The following FAM135A variants were observed in gnomAD, a reference collection of about 807,000 sequenced individuals.
The protein encoded by FAM135A is family with sequence similarity 135 member A.
Under a neutral mutation model 146.8 loss-of-function variants are expected in FAM135A, and 79 were observed. That is an observed-to-expected ratio of 0.54 (90% CI 0.45 to 0.65). The LOEUF is 0.65. Ranked by LOEUF, FAM135A falls within the 30% of genes least tolerant of loss-of-function variation. FAM135A has a pLI of 0.00. For synonymous variants in FAM135A, 562 were observed against 603.6 expected (o/e 0.93, Z 1.01); for missense variants, 1,623 against 1,758.2 (o/e 0.92, Z 1.38).
intron 5 of FAM135A, among the ~76,000 whole-genome samples, chr6:70,472,861 GTTC>G (rs1415927506): frequency 2.0e-5 from 3 of 152,140 alleles, no homozygotes; most frequent in Non-Finnish European, 2.9e-5. Flanking sequence ...AGTGATGCTT[GTTC>G]TTCTTGTTAC....
intron 20 of FAM135A, among the ~76,000 whole-genome samples, chr6:70,540,982 C>T (rs192826194): frequency 3.5e-4 from 54 of 152,262 alleles, no homozygotes; most frequent in African/African-American, 1.1e-3. Flanking sequence ...CTTTTGCTTT[C>T]TACTTTATCT....
chr6:70,477,374 T>C, intron 8 of FAM135A, 42 bp downstream of exon 8: 1 of 1,584,518 alleles, frequency 6.3e-7, no homozygotes, highest in Admixed American at 1.7e-5. Context: ...ATTCTTACAC[T>C]GCAATAAAGA....
intron 21 of FAM135A, among the ~76,000 whole-genome samples, chr6:70,557,956 G>A (rs191637542): frequency 9.9e-5 from 15 of 152,192 alleles, no homozygotes; most frequent in Admixed American, 3.3e-4. Context: ...TTCTAGCAAA[G>A]GCTAGAGTCC....
intron 5 of FAM135A, among the ~76,000 whole-genome samples, chr6:70,473,485 G>A (rs1782006605): frequency 6.6e-6 from 1 of 152,150 alleles, no homozygotes; most frequent in Non-Finnish European, 1.5e-5. Context: ...TTTCAATCCA[G>A]TACCATGGGA....
chr6:70,477,406 T>C, intron 8 of FAM135A, 74 bp downstream of exon 8: 1 of 1,462,996 alleles, frequency 6.8e-7, no homozygotes, highest in Non-Finnish European at 9.3e-7. Context: ...CTGGTCAATT[T>C]ATAAATAAAA....
intron 10 of FAM135A, chr6:70,486,280 T>C (rs748823560): frequency 6.3e-7 from 1 of 1,585,520 alleles, no homozygotes; most frequent in South Asian, 1.1e-5. Flanking sequence ...ATGATCCCTT[T>C]TAATTAAAAA....
At chr6:70,534,966 T>A (rs535369078) in intron 18 of FAM135A, among the ~76,000 whole-genome samples, 2 of 152,358 alleles carry the variant, frequency 1.3e-5, no homozygotes, top group South Asian at 2.1e-4. Flanking sequence ...GATTATTTTC[T>A]TGTTGTAATT....
Position 70,413,756 on chromosome 6 carries a change from C to T in FAM135A, c.-220+54C>T, listed in dbSNP as rs1209204560. On this transcript the variant is annotated intron_variant, in intron 1 of 21. Transcript: ENST00000418814. ...CCCCGGCTCCCGACACCCACGACCC[C>T]TCCCTCCGTCCCTCTTGCCCAGGGG... 9.3e-6 allele frequency: 9 copies of T among 968,768 alleles called. No individual in the cohort carries two copies. The Admixed American group carries it at 3.1e-4, about 33-fold the overall frequency. The allele number at this position is 968,768 out of a possible 1,614,324, so 60.0% of individuals were successfully genotyped here. A position where few individuals can be genotyped will look rare whatever the true frequency, so the allele number is the denominator to read the frequency against.
intron 5 of FAM135A, among the ~76,000 whole-genome samples, chr6:70,460,980 C>A (rs564554924): frequency 6.6e-6 from 1 of 151,654 alleles, no homozygotes; most frequent in East Asian, 1.9e-4. Flanking sequence ...CGCACCACCA[C>A]GCCTGACTGA....
At chr6:70,490,957 G>GT in intron 10 of FAM135A, 77 bp from the exon 11 acceptor site, 2 of 1,100,934 alleles carry the variant, frequency 1.8e-6, no homozygotes, top group South Asian at 3.5e-5. Context: ...TTAATTTTCA[G>GT]TTTTTTATGG....
intron 1 of FAM135A, 84 bp downstream of exon 1, chr6:70,413,786 G>A: frequency 1.0e-6 from 1 of 984,966 alleles, no homozygotes; most frequent in Non-Finnish European, 1.2e-6. Flanking sequence ...CAGGGGCCAG[G>A]AAGGAAGCGG....
intron 4 of FAM135A, among the ~76,000 whole-genome samples, chr6:70,437,158 G>T (rs1455373221): frequency 6.6e-6 from 1 of 152,106 alleles, no homozygotes; most frequent in African/African-American, 2.4e-5. Flanking sequence ...GAAACAATTT[G>T]CATAAGGATA....
chr6:70,498,178 C>T (rs534031833), intron 11 of FAM135A, among the ~76,000 whole-genome samples: 1 of 152,210 alleles, frequency 6.6e-6, no homozygotes, highest in African/African-American at 2.4e-5. Flanking sequence ...TTCAGGGATT[C>T]GATATCTTCC....
chr6:70,540,318 CTTT>C (rs1190614826), intron 20 of FAM135A, among the ~76,000 whole-genome samples: 1 of 81,532 alleles, frequency 1.2e-5, no homozygotes, highest in Non-Finnish European at 2.2e-5. Context: ...ATTCCTGCTA[CTTT>C]TTTTTTTTTT....
intron 7 of FAM135A, among the ~76,000 whole-genome samples, chr6:70,476,365 T>G (rs964133301): frequency 2.0e-5 from 3 of 152,184 alleles, no homozygotes; most frequent in Non-Finnish European, 4.4e-5. Flanking sequence ...TCAAAAATGA[T>G]ATATAAATTC....
rs560614238 is a variant in FAM135A at position 70,510,942 on chromosome 6, T to C, written c.1029+8151T>C. ...CTTACAAACACTTGTTATATTCTGC[T>C]TTTTGTTTTGGGGTTTTTATCATGG... On this transcript the variant is annotated intron_variant, in intron 12 of 21. Coordinates refer to ENST00000418814, the MANE Select transcript of FAM135A (RefSeq NM_001162529.3). Among the ~76,000 whole-genome samples, 3 of 152,178 alleles carry C rather than the reference T, an allele frequency of 2.0e-5. No individual in the cohort carries two copies. The South Asian group carries it at 6.2e-4, about 32-fold the overall frequency.
chr6:70,531,674 A>G (rs1362116853), intron 16 of FAM135A, among the ~76,000 whole-genome samples: 2 of 152,168 alleles, frequency 1.3e-5, no homozygotes, highest in Admixed American at 1.3e-4. Context: ...TTACTGCTGT[A>G]TGCTTCATCT....
chr6:70,527,129 A>G (rs1325258604), intron 15 of FAM135A, among the ~76,000 whole-genome samples: 3 of 152,040 alleles, frequency 2.0e-5, no homozygotes, highest in Non-Finnish European at 4.4e-5. Flanking sequence ...TATCTAGGAA[A>G]TAAGGATAAT....
chr6:70,420,316 G>A (rs999790206), intron 2 of FAM135A, among the ~76,000 whole-genome samples: 1 of 152,182 alleles, frequency 6.6e-6, no homozygotes, highest in African/African-American at 2.4e-5. Context: ...AGTCCATCTT[G>A]AGGGACCTGT....
Sources: allele counts gnomAD v4.1 joint callset (sites outside exome capture counted in the v4.1 genomes callset), GRCh38; gene constraint gnomAD v4.1.1; transcripts MANE v1.5; gene names NCBI Gene and HGNC (gene_info 2026-07-23, HGNC 2026-07-21).